Variants in DAGLB observed in about 807,000 individuals in gnomAD.
DAGLB encodes diacylglycerol lipase beta, also known as diacylglycerol lipase-beta.
In DAGLB, 66 loss-of-function variants were observed where a neutral mutation model predicts 72.1. That is an observed-to-expected ratio of 0.92 (90% CI 0.75 to 1.12). The LOEUF is 1.12. Among genes scored for constraint, DAGLB ranks in the 50% most tolerant of loss-of-function variants. The pLI, the probability that DAGLB is intolerant of heterozygous loss-of-function variation, is 0.00. For missense variants in DAGLB, 1,065 were observed against 884.9 expected, an observed-to-expected ratio of 1.20 and a Z score of -2.58; for synonymous variants, 414 against 359.5, an observed-to-expected ratio of 1.15 and a Z score of -1.71.
intron 7 of DAGLB, among the ~76,000 whole-genome samples, chr7:6,425,238 A>C (rs1784267619): frequency 6.6e-6 from 1 of 152,002 alleles, no homozygotes; most frequent in Non-Finnish European, 1.5e-5. Context: ...AGAGACAGCG[A>C]GCGACACTGA....
At chr7:6,435,661 C>T (rs957287414) in intron 3 of DAGLB, among the ~76,000 whole-genome samples, 1 of 152,174 alleles carries the variant, frequency 6.6e-6, no homozygotes, top group Non-Finnish European at 1.5e-5. Flanking sequence ...CGCCCTTCCC[C>T]TTCGGTGCCT....
chr7:6,411,429 C>G (rs1783724822), intron 13 of DAGLB, among the ~76,000 whole-genome samples: 1 of 152,212 alleles, frequency 6.6e-6, no homozygotes, highest in Non-Finnish European at 1.5e-5. Flanking sequence ...TGAGACCAGC[C>G]TGGGCAACAT....
At chr7:6,413,629 CAAAA>C (rs1783806712) in intron 11 of DAGLB, among the ~76,000 whole-genome samples, 1 of 131,274 alleles carries the variant, frequency 7.6e-6, no homozygotes, top group Admixed American at 7.8e-5. Context: ...GACTCCATCT[CAAAA>C]GAAAAAAAAA....
At position 6,421,955 on chromosome 7, in the gene DAGLB, G is replaced by C; in HGVS notation, c.1141-151C>G. The C allele has an allele frequency of 4.6e-6, 4 of 866,414 alleles. No individual in the cohort carries two copies. In the East Asian group the frequency reaches 1.1e-4, roughly 23 times the overall value. 53.7% of individuals were successfully genotyped at this position (866,414 alleles called of 1,614,324 possible). On this transcript the variant is annotated intron_variant, in intron 8 of 14. Transcript: ENST00000297056. ...TCCTGGGACTGAACCCTAAACTAAA[G>C]AGGGAAACCCAGCGGTGGCTCCTGA... is the stretch of plus-strand genomic sequence containing the variant.
intron 8 of DAGLB, 55 bp from the exon 9 acceptor site, chr7:6,421,859 G>C (rs765334202): frequency 6.3e-7 from 1 of 1,578,140 alleles, no homozygotes; most frequent in Non-Finnish European, 8.7e-7. Context: ...CAGGGTGGGA[G>C]AATGACAGGT....
intron 7 of DAGLB, among the ~76,000 whole-genome samples, chr7:6,425,697 C>T (rs1784288818): frequency 6.6e-6 from 1 of 152,176 alleles, no homozygotes; most frequent in Admixed American, 6.6e-5. Flanking sequence ...GGCCATGCGG[C>T]ATTAATACTG....
chr7:6,428,950 A>G (rs1334064825), intron 6 of DAGLB, among the ~76,000 whole-genome samples: 3 of 152,136 alleles, frequency 2.0e-5, no homozygotes, highest in African/African-American at 7.2e-5. Context: ...GACTACAGGT[A>G]CACACTGTTA....
chr7:6,444,074 C>T (rs1438157835), intron 2 of DAGLB, among the ~76,000 whole-genome samples: 2 of 151,948 alleles, frequency 1.3e-5, no homozygotes, highest in African/African-American at 2.4e-5. Context: ...CAAGATCAGT[C>T]TAAGCTATAT....
rs148435637 is a variant in DAGLB, at chr7:6,409,845, C to T, written c.2011G>A (p.Val671Met). 3.1e-5 allele frequency: 50 copies of T among 1,613,720 alleles called. No individual in the cohort carries two copies. The highest frequency in any genetic ancestry group is 2.5e-4 in the Admixed American group (15 of 59,996). ...GTTTCCAGTGGCCCTGGTCAGGCCA[C>T]GTCCACACTGGAGACCCCTTGTGCT... is the stretch of plus-strand genomic sequence containing the variant. ...CPAQGVSSVD[V>M]A The change falls in exon 15 of 15, where the codon GTG becomes ATG. Residue 671 changes from valine (V) to methionine (M), a missense_variant. Coordinates refer to ENST00000297056, the MANE Select transcript of DAGLB (RefSeq NM_139179.4).
In DAGLB at chr7:6,436,499, C is replaced by G. The variant is rs767208357; in HGVS notation, c.282G>C (p.Met94Ile). 6.2e-7 allele frequency: 1 copy of G among 1,614,200 alleles called. No individual in the cohort carries two copies. The highest frequency in any genetic ancestry group is 8.5e-7 in the Non-Finnish European group (1 of 1,180,036). The change falls in exon 3 of 15, where the codon ATG becomes ATC. Residue 94 changes from methionine (M) to isoleucine (I), a missense_variant. Physicochemically the swap from Met to Ile is conservative, Grantham distance 10. Transcript: ENST00000297056. ...TICNPGPRKS[M>I]SKLLYIRLAL... ...CCAGGCGGATGTAAAGCAGCTTAGA[C>G]ATAGACTTCCGCGGTCCAGGGTTAC...
intron 5 of DAGLB, 32 bp from the exon 6 acceptor site, chr7:6,430,639 T>G: frequency 6.5e-7 from 1 of 1,536,890 alleles, no homozygotes; most frequent in African/African-American, 1.4e-5. Flanking sequence ...TACTGTTTAT[T>G]AAGGGAACTC....
chr7:6,444,531 G>A (rs1784935498), intron 2 of DAGLB, among the ~76,000 whole-genome samples: 1 of 151,980 alleles, frequency 6.6e-6, no homozygotes, highest in Non-Finnish European at 1.5e-5. Flanking sequence ...GAACCCAGGA[G>A]ACGGAGGCTG....
Position 6,419,168 on chromosome 7 carries a change from C to G in DAGLB, c.1219-2247G>C, listed in dbSNP as rs6957147. ...ACCTGAGTAGCTGGAATTACAGGCACTCACCACCACACCCGGCTAATTTTT... is the reference window on the plus strand; with the variant it reads ...ACCTGAGTAGCTGGAATTACAGGCAGTCACCACCACACCCGGCTAATTTTT... On this transcript the variant is annotated intron_variant, in intron 9 of 14. Transcript: ENST00000297056. 7.6e-3 allele frequency among the ~76,000 whole-genome samples: 1,137 copies of G among 149,734 alleles called. 10 individuals carry two copies. The highest frequency in any genetic ancestry group is 0.026 in the African/African-American group (1,065 of 40,428).
At chr7:6,430,331 A>T in intron 6 of DAGLB, 149 bp downstream of exon 6, 2 of 795,782 alleles carry the variant, frequency 2.5e-6, no homozygotes, top group Non-Finnish European at 3.3e-6. Context: ...GATACAGCGC[A>T]TGTGACCAGA....
intron 13 of DAGLB, among the ~76,000 whole-genome samples, chr7:6,410,881 T>C (rs1426689266): frequency 1.6e-4 from 5 of 31,218 alleles, no homozygotes; most frequent in Non-Finnish European, 2.0e-4. Flanking sequence ...ATTTTTTGTA[T>C]TTTTTTTTTT....
In DAGLB at chr7:6,434,840, C is replaced by G. The variant is rs368951817; in HGVS notation, c.600G>C (p.Leu200Phe). The G allele has an allele frequency of 5.0e-6, 8 of 1,614,192 alleles. No individual in the cohort carries two copies. Among genetic ancestry groups the G allele is most frequent in the Non-Finnish European group, 6.8e-6 (8 of 1,180,032 alleles). ...TSVWETRIKL[L>F]CCCIGKDDHT... ...GGTCGTCTTTCCCAATGCAACAGCA[C>G]AAGAGCTTGATTCTGGTTTCCCACA... The change falls in exon 4 of 15, where the codon TTG becomes TTC. Residue 200 changes from leucine (L) to phenylalanine (F), a missense_variant. Leu to Phe is a conservative substitution (Grantham distance 22). Coordinates refer to ENST00000297056, the MANE Select transcript of DAGLB (RefSeq NM_139179.4).
Position 6,410,270 on chromosome 7 carries a change from C to A in DAGLB, c.1680G>T (p.Leu560=), listed in dbSNP as rs376656997. The A allele has an allele frequency of 2.0e-5, 33 of 1,613,596 alleles. No homozygotes were observed. In the South Asian group the frequency reaches 2.2e-4, roughly 11 times the overall value. The change falls in exon 14 of 15, where the codon CTG becomes CTT. Residue 560 remains leucine (L), a synonymous_variant. Coordinates refer to ENST00000297056, the MANE Select transcript of DAGLB (RefSeq NM_139179.4). ...AGCGCGTCAGTAGGCTCTGCTCCCC[C>A]AGAAGAGGCTGTGTCAGGACTTCCT... ...GDQEVLTQPL[L]GEQSLLTRWS... is the part of the protein sequence containing the mutation.
At chr7:6,446,403 G>C (rs999563658) in intron 1 of DAGLB, among the ~76,000 whole-genome samples, 1 of 131,478 alleles carries the variant, frequency 7.6e-6, no homozygotes, top group Non-Finnish European at 1.6e-5. Flanking sequence ...GCTTGAACCT[G>C]GGACGTGGAG....
intron 8 of DAGLB, chr7:6,422,227 C>A: frequency 3.0e-6 from 1 of 333,452 alleles, no homozygotes; most frequent in South Asian, 2.3e-5. Context: ...AGTGCCGAGT[C>A]AGAGGATGGG....
Sources: gnomAD v4.1 joint callset for allele counts (sites outside exome capture counted in the v4.1 genomes callset) on GRCh38, gnomAD v4.1.1 for gene constraint, MANE v1.5 for transcripts, NCBI Gene and HGNC (gene_info 2026-07-23, HGNC 2026-07-21) for gene names.